Variants in CACNA1C observed in about 807,000 individuals in gnomAD.
The protein encoded by CACNA1C is calcium voltage-gated channel subunit alpha1 C.
A neutral mutation model predicts 229.0 loss-of-function variants in CACNA1C; 30 were observed. The observed-to-expected ratio is 0.13, with a 90% CI of 0.10 to 0.18. CACNA1C has a LOEUF of 0.18. Ranked by LOEUF, CACNA1C falls within the 10% of genes least tolerant of loss-of-function variation. The probability of loss-of-function intolerance (pLI) is 1.00; values close to 1 mark genes in which losing one functional copy is unlikely to be tolerated. For synonymous variants in CACNA1C, 1,114 were observed against 1,132.5 expected (o/e 0.98, Z 0.33); for missense variants, 1,658 against 2,845.0 (o/e 0.58, Z 9.49).
intron 1 of CACNA1C, among the ~76,000 whole-genome samples, chr12:2,014,671 G>A (rs2045034832): frequency 6.6e-6 from 1 of 152,248 alleles, no homozygotes; most frequent in African/African-American, 2.4e-5. Flanking sequence ...GAATTGCCAA[G>A]TGTATCGACC....
At chr12:1,979,179 A>AT (rs1303097959) in intron 1 of CACNA1C, among the ~76,000 whole-genome samples, 2 of 151,954 alleles carry the variant, frequency 1.3e-5, no homozygotes, top group Admixed American at 6.6e-5. Context: ...AGCCTGGCTA[A>AT]TTTTTTTTAT....
At position 2,595,919 on chromosome 12, in the gene CACNA1C, C is replaced by A; in HGVS notation, c.2709C>A (p.Thr903=). Residue 903 remains threonine, a synonymous_variant, in exon 20 of 47, where the codon ACC becomes ACA. Transcript: ENST00000399655. The surrounding 1 kb of genome is among the most constrained non-coding windows in gnomAD (Gnocchi z 4.1). ...GCATTGTCAATGACACGATCTTCAC[C>A]AACCTGATCCTCTTCTTCATTCTGC... ...CHRIVNDTIF[T]NLILFFILLS... is the part of the protein sequence containing the mutation. The A allele has an allele frequency of 6.2e-7, 1 of 1,613,732 alleles. No homozygotes were observed.
chr12:2,362,788 G>A (rs1008417929), intron 3 of CACNA1C, among the ~76,000 whole-genome samples: 3 of 152,216 alleles, frequency 2.0e-5, no homozygotes, highest in African/African-American at 7.2e-5. Flanking sequence ...AAGAGAGCAG[G>A]GAGGGATGGC....
At chr12:2,434,863 G>A (rs926327511) in intron 3 of CACNA1C, among the ~76,000 whole-genome samples, 2 of 152,134 alleles carry the variant, frequency 1.3e-5, no homozygotes, top group Non-Finnish European at 2.9e-5. Flanking sequence ...CCTGGACCAC[G>A]GCAGAGGTCT....
Position 2,107,643 on chromosome 12 carries a change from A to C in CACNA1C, c.50-7581A>C, listed in dbSNP as rs2079665944. ...AGTCATCTCTCATTTATGTGATGAA[A>C]ATATTAGACACTGAAAAAGGACTTT... On this transcript the variant is annotated intron_variant, in intron 1 of 46. Transcript: ENST00000399655. 1.3e-5 allele frequency among the ~76,000 whole-genome samples: 2 copies of C among 152,402 alleles called. 1 individual carries two copies.
intron 7 of CACNA1C, among the ~76,000 whole-genome samples, chr12:2,498,068 G>A (rs1446908126): frequency 6.6e-6 from 1 of 151,908 alleles, no homozygotes; most frequent in Admixed American, 6.6e-5. Context: ...AAGACCTTTT[G>A]CATCCAAGCA....
rs748736195 is a variant in CACNA1C at position 2,504,972 on chromosome 12, T to C, written c.1217+27T>C. On this transcript the variant is annotated intron_variant, in intron 8 of 46. Transcript: ENST00000399655. This position sits in a 1 kb window ranked among gnomAD's most constrained non-coding sequence, Gnocchi z 6.8. ...TAAGCAGGACCAAGGAAAAAGGTCT[T>C]GATTTTTCCATTTATTTTTATTTAT... is the stretch of plus-strand genomic sequence containing the variant. The C allele has an allele frequency of 1.8e-6, 2 of 1,089,276 alleles. No individual in the cohort carries two copies. The highest frequency in any genetic ancestry group is 2.0e-4 in the Middle Eastern group (1 of 5,052). 67.5% of individuals were successfully genotyped at this position (1,089,276 alleles called of 1,614,324 possible). A position where few individuals can be genotyped will look rare whatever the true frequency, so the allele number is the denominator to read the frequency against.
At chr12:2,082,340 T>C (rs2065950006) in intron 1 of CACNA1C, among the ~76,000 whole-genome samples, 1 of 152,176 alleles carries the variant, frequency 6.6e-6, no homozygotes, top group African/African-American at 2.4e-5. Flanking sequence ...TCACACATGC[T>C]TTGGTCTGTG....
intron 27 of CACNA1C, 48 bp from the exon 28 acceptor site, chr12:2,610,493 C>A (rs562767267): frequency 6.4e-7 from 1 of 1,572,082 alleles, no homozygotes; most frequent in Non-Finnish European, 8.7e-7. Context: ...CCCCCCACAC[C>A]CTCCAGTTAA....
At position 2,679,491 on chromosome 12, in the gene CACNA1C, C is replaced by T. The variant is rs115216455; in HGVS notation, c.5139C>T (p.Asp1713=). The change falls in exon 42 of 47, where the codon GAC becomes GAT. Residue 1713 remains aspartate, a synonymous_variant. Transcript: ENST00000399655. The surrounding 1 kb of genome is among the most constrained non-coding windows in gnomAD (Gnocchi z 5.5). Reference sequence around the variant, plus strand: ...ACCACGTCAGCTACTACCAAAGCGACGGCCGGAGCGCCTTCCCCCAGACCT... The same window carrying T: ...ACCACGTCAGCTACTACCAAAGCGATGGCCGGAGCGCCTTCCCCCAGACCT... The part of the protein sequence containing the change: ...FGNHVSYYQS[D]GRSAFPQTFT... 1.1e-3 allele frequency: 1,711 copies of T among 1,605,106 alleles called. 12 individuals carry two copies. The African/African-American group carries it at 0.017, about 16-fold the overall frequency.
intron 1 of CACNA1C, among the ~76,000 whole-genome samples, chr12:2,082,482 G>A (rs929536586): frequency 1.3e-5 from 2 of 152,088 alleles, no homozygotes; most frequent in African/African-American, 4.8e-5. Flanking sequence ...GTTTCTATGT[G>A]GCAGTCAGAC....
intron 9 of CACNA1C, among the ~76,000 whole-genome samples, chr12:2,524,748 A>C (rs2099815768): frequency 6.6e-6 from 1 of 152,224 alleles, no homozygotes. Flanking sequence ...AGGCTTCAGC[A>C]GCCAGGCCTG....
At chr12:2,203,558 G>T (rs757469528) in intron 3 of CACNA1C, among the ~76,000 whole-genome samples, 4 of 152,202 alleles carry the variant, frequency 2.6e-5, no homozygotes, top group African/African-American at 7.2e-5. Flanking sequence ...TTAGGAGTCA[G>T]GATTCTGGAG....
At position 2,678,592 on chromosome 12, in the gene CACNA1C, C is replaced by T. The variant is rs1040389719; in HGVS notation, c.5091+725C>T. ...GGACCCTGCTCACACCGCTCTCTCC[C>T]GGCCGCGGGCCCAGTTCCCAGGCTG... is the stretch of plus-strand genomic sequence containing the variant. On this transcript the variant is annotated intron_variant, in intron 41 of 46. Coordinates refer to ENST00000399655, the MANE Select transcript of CACNA1C (RefSeq NM_000719.7). The surrounding 1 kb of genome is among the most constrained non-coding windows in gnomAD (Gnocchi z 4.1). Among the ~76,000 whole-genome samples, 15 of 152,372 alleles carry T rather than the reference C, an allele frequency of 9.8e-5. No homozygotes were observed. Among genetic ancestry groups the T allele is most frequent in the East Asian group, 3.9e-4 (2 of 5,180 alleles).
chr12:2,194,317 C>T, intron 3 of CACNA1C, among the ~76,000 whole-genome samples: 1 of 151,244 alleles, frequency 6.6e-6, no homozygotes, highest in East Asian at 2.0e-4. Flanking sequence ...TCTGCCTCCT[C>T]CCGTTCCTCC....
chr12:2,192,977 G>T (rs757825129), intron 3 of CACNA1C, among the ~76,000 whole-genome samples: 7 of 152,246 alleles, frequency 4.6e-5, no homozygotes, highest in African/African-American at 7.2e-5. Flanking sequence ...ACAGCTGTCT[G>T]TTTGAGCAGA....
At chr12:2,008,095 A>C (rs887282189) in intron 1 of CACNA1C, among the ~76,000 whole-genome samples, 1 of 152,188 alleles carries the variant, frequency 6.6e-6, no homozygotes, top group Non-Finnish European at 1.5e-5. Flanking sequence ...AGTATGTTTC[A>C]TAAAGTTTTA....
At chr12:2,331,331 A>G (rs2096541375) in intron 3 of CACNA1C, among the ~76,000 whole-genome samples, 3 of 152,360 alleles carry the variant, frequency 2.0e-5, no homozygotes, top group South Asian at 4.1e-4. Context: ...CTTAGAAATA[A>G]TGACACCCCT....
chr12:2,242,961 C>G (rs1440308791), intron 3 of CACNA1C, among the ~76,000 whole-genome samples: 1 of 152,152 alleles, frequency 6.6e-6, no homozygotes, highest in Non-Finnish European at 1.5e-5. Context: ...GTGACTTACC[C>G]ACGATCATAG....
Sources: allele counts gnomAD v4.1 joint callset (sites outside exome capture counted in the v4.1 genomes callset), GRCh38; gene constraint gnomAD v4.1.1; non-coding constraint Gnocchi (gnomAD v3.1); transcripts MANE v1.5; gene names NCBI Gene and HGNC (gene_info 2026-07-23, HGNC 2026-07-21).